Variants in KDM6A observed in about 807,000 individuals in gnomAD.
KDM6A encodes lysine-specific demethylase 6A.
Under a neutral mutation model 117.6 loss-of-function variants are expected in KDM6A, and 11 were observed. The ratio of observed to expected loss-of-function variants is 0.09; its 90% CI spans 0.06 to 0.15. The LOEUF is 0.15. Ranked by LOEUF, KDM6A falls within the 10% of genes least tolerant of loss-of-function variation. KDM6A has a pLI of 1.00. For synonymous variants in KDM6A, 384 were observed against 396.1 expected, an observed-to-expected ratio of 0.97 and a Z score of 0.36; for missense variants, 799 against 1,077.3, an observed-to-expected ratio of 0.74 and a Z score of 3.62.
intron 8 of KDM6A, among the ~76,000 whole-genome samples, chrX:45,045,921 A>AT (rs35124963): frequency 0.15 from 16,311 of 110,890 alleles, 1,282 homozygotes; most frequent in Non-Finnish European, 0.24. Context: ...TCTATGTTTA[A>AT]TTTTTTGAGA....
At chrX:44,910,916 A>G (rs1251593828) in intron 2 of KDM6A, among the ~76,000 whole-genome samples, 2 of 112,378 alleles carry the variant, frequency 1.8e-5, no homozygotes, top group Non-Finnish European at 3.8e-5. Flanking sequence ...CAGACACAGC[A>G]ACAATCTGAT....
intron 8 of KDM6A, among the ~76,000 whole-genome samples, chrX:45,049,747 A>AT (rs2043748521): frequency 8.9e-6 from 1 of 111,930 alleles, no homozygotes; most frequent in African/African-American, 3.2e-5. Flanking sequence ...TAGTCTTTGC[A>AT]TTTTCTGTCC....
chrX:44,877,057 G>A (rs897540359), intron 2 of KDM6A, among the ~76,000 whole-genome samples: 5 of 110,892 alleles, frequency 4.5e-5, no homozygotes, highest in Admixed American at 3.9e-4. Flanking sequence ...ATGTATATGC[G>A]TATACACATA....
chrX:45,051,096 G>A lies in KDM6A; in HGVS notation c.655-613G>A, dbSNP rs748388569. ...GCAATCTCGGCTCACCGCAACCTCC[G>A]CCTCCCGGTTTCAAGCGATTCTCCT... On this transcript the variant is annotated intron_variant, in intron 8 of 29. Transcript: ENST00000611820. Among the ~76,000 whole-genome samples, 22 of 111,307 alleles carry A rather than the reference G, an allele frequency of 2.0e-4. 1 individual carries two copies. Among genetic ancestry groups the A allele is most frequent in the Admixed American group, 1.9e-3 (20 of 10,468 alleles).
intron 2 of KDM6A, among the ~76,000 whole-genome samples, chrX:44,882,020 A>G (rs2032354402): frequency 9.0e-6 from 1 of 111,490 alleles, no homozygotes; most frequent in Non-Finnish European, 1.9e-5. Flanking sequence ...TAAATAGAAG[A>G]TGCTGCTGCT....
rs766708860 is a variant in KDM6A at position 44,981,919 on chromosome X, G to A, written c.384+7204G>A. On this transcript the variant is annotated intron_variant, in intron 4 of 29. Coordinates refer to ENST00000611820, the MANE Select transcript of KDM6A (RefSeq NM_001291415.2). ...GCCAACATGGTGAAACCTCATCTCC[G>A]CTAAAAATACAAAAATTAGCTGGGT... 3.6e-5 allele frequency among the ~76,000 whole-genome samples: 4 copies of A among 111,398 alleles called. No individual in the cohort carries two copies. In the South Asian group the frequency reaches 1.5e-3, roughly 42 times the overall value.
intron 2 of KDM6A, among the ~76,000 whole-genome samples, chrX:44,905,438 A>G (rs2034597823): frequency 8.9e-6 from 1 of 112,280 alleles, no homozygotes; most frequent in South Asian, 3.7e-4. Flanking sequence ...AGGATATACC[A>G]TCTAGGTTTG....
At chrX:44,880,879 A>G (rs982336092) in intron 2 of KDM6A, among the ~76,000 whole-genome samples, 3 of 112,103 alleles carry the variant, frequency 2.7e-5, no homozygotes, top group Non-Finnish European at 3.8e-5. Flanking sequence ...TACCATGTCT[A>G]TAGTTAGAAG....
intron 27 of KDM6A, among the ~76,000 whole-genome samples, chrX:45,101,819 T>G (rs1428962822): frequency 8.9e-6 from 1 of 112,102 alleles, no homozygotes; most frequent in Non-Finnish European, 1.9e-5. Context: ...TTTAGGAATT[T>G]GACATGTCAA....
At chrX:45,053,364 G>T (rs1347758914) in intron 9 of KDM6A, among the ~76,000 whole-genome samples, 1 of 111,122 alleles carries the variant, frequency 9.0e-6, no homozygotes, top group African/African-American at 3.3e-5. Context: ...TCTGGGAGGC[G>T]GAGGTTGCAG....
chrX:44,979,993 CTTT>C (rs1349112081), intron 4 of KDM6A, among the ~76,000 whole-genome samples: 10 of 82,832 alleles, frequency 1.2e-4, no homozygotes, highest in African/African-American at 4.3e-4. Flanking sequence ...TTCTTTCTTT[CTTT>C]CCTTTTTTTT....
chrX:44,962,795 T>C (rs1042292755), intron 3 of KDM6A, among the ~76,000 whole-genome samples: 8 of 112,432 alleles, frequency 7.1e-5, no homozygotes, highest in African/African-American at 2.6e-4. Flanking sequence ...TGCTAAAAAG[T>C]GCTAACAATC....
At chrX:44,890,342 A>G (rs990122371) in intron 2 of KDM6A, among the ~76,000 whole-genome samples, 5 of 112,488 alleles carry the variant, frequency 4.4e-5, no homozygotes, top group African/African-American at 1.6e-4. Context: ...GCTGTTGTGA[A>G]TAAAACTGCT....
intron 2 of KDM6A, among the ~76,000 whole-genome samples, chrX:44,921,164 A>T (rs764180352): frequency 1.5e-4 from 17 of 111,669 alleles, no homozygotes; most frequent in Non-Finnish European, 2.6e-4. Flanking sequence ...GGCGTGAGCC[A>T]CTGTGCCCAG....
intron 2 of KDM6A, among the ~76,000 whole-genome samples, chrX:44,895,481 C>A (rs1426465730): frequency 1.1e-5 from 1 of 93,407 alleles, no homozygotes; most frequent in Non-Finnish European, 2.1e-5. Context: ...TTTTATTCTG[C>A]TGTTCTCCTG....
Position 45,060,111 on chromosome X carries a change from C to A in KDM6A, c.1284C>A (p.Pro428=). The A allele has an allele frequency of 8.3e-7, 1 of 1,211,326 alleles. No homozygotes were observed. The highest frequency in any genetic ancestry group is 1.1e-6 in the Non-Finnish European group (1 of 895,340). ...SIEEAWSLPI[P]AELTSRQGAM... ...AGGAGGCGTGGAGCCTACCAATTCC[C>A]GCAGAGCTTACCTCCAGGCAGGGTG... The change falls in exon 13 of 30, where the codon CCC becomes CCA. Residue 428 remains proline, a synonymous_variant. Coordinates refer to ENST00000611820, the MANE Select transcript of KDM6A (RefSeq NM_001291415.2).
chrX:44,897,273 T>G (rs2033971305), intron 2 of KDM6A, among the ~76,000 whole-genome samples: 1 of 109,113 alleles, frequency 9.2e-6, no homozygotes, highest in African/African-American at 3.3e-5. Context: ...TTTTAGGTTT[T>G]TTTTTTTTTT....
At chrX:44,888,775 C>G (rs1243872576) in intron 2 of KDM6A, among the ~76,000 whole-genome samples, 1 of 111,659 alleles carries the variant, frequency 9.0e-6, no homozygotes, top group Non-Finnish European at 1.9e-5. Context: ...TAGGTCAGAT[C>G]TGATGTTTAA....
intron 3 of KDM6A, among the ~76,000 whole-genome samples, chrX:44,963,609 ATTCTGTTTCTTT>A (rs2038848902): frequency 9.0e-6 from 1 of 110,705 alleles, no homozygotes; most frequent in South Asian, 3.8e-4. Context: ...TCCACTTCTA[ATTCTGTTTCTTT>A]TGCTGTTTCC....
Sources: gnomAD v4.1 joint callset for allele counts (sites outside exome capture counted in the v4.1 genomes callset) on GRCh38, gnomAD v4.1.1 for gene constraint, MANE v1.5 for transcripts, NCBI Gene and HGNC (gene_info 2026-07-23, HGNC 2026-07-21) for gene names.